LHFPL5: variants seen among roughly 807,000 people sequenced by gnomAD.
The protein encoded by LHFPL5 is LHFPL tetraspan subfamily member 5, also known as LHFPL tetraspan subfamily member 5 protein.
A neutral mutation model predicts 18.7 loss-of-function variants in LHFPL5; 12 were observed. That is an observed-to-expected ratio of 0.64 (90% confidence interval 0.41 to 1.04). LHFPL5 has a LOEUF of 1.04. Among genes scored for constraint, LHFPL5 ranks in the 50% least tolerant of loss-of-function variants. The pLI, the probability that LHFPL5 is intolerant of heterozygous loss-of-function variation, is 0.00. For missense variants in LHFPL5, 259 were observed against 292.1 expected (o/e 0.89, Z 0.83); for synonymous variants, 111 against 120.2 (o/e 0.92, Z 0.50).
At chr6:35,822,833 C>A (rs1282786451) in intron 3 of LHFPL5, 149 bp from the exon 4 acceptor site, 1 of 152,240 alleles carries the variant, frequency 6.6e-6, no homozygotes, top group Non-Finnish European at 1.5e-5. Flanking sequence ...TGGCCTCGAA[C>A]TCCTGACCTC....
chr6:35,813,430 A>AGAC lies in LHFPL5; in HGVS notation c.413-1114_413-1112dup, dbSNP rs372454042. Among the ~76,000 whole-genome samples, 1,484 of 151,510 alleles carry AGAC rather than the reference A, an allele frequency of 9.8e-3. 27 individuals carry two copies. Among genetic ancestry groups the AGAC allele is most frequent in the African/African-American group, 0.034 (1,416 of 41,322 alleles). ...CGGCTAATTTTTGTATTTTTAGGAGAGACGGGGTTTCACCGTGTTAGCCAG... is the reference window on the plus strand; with the variant it reads ...CGGCTAATTTTTGTATTTTTAGGAGAGACGACGGGGTTTCACCGTGTTAGCCAG... On this transcript the variant is annotated intron_variant, in intron 1 of 3. Transcript: ENST00000360215.
chr6:35,805,838 A>G lies in LHFPL5; in HGVS notation c.168A>G (p.Thr56=). 1 of 1,614,066 alleles carries G rather than the reference A, an allele frequency of 6.2e-7. No individual in the cohort carries two copies. The highest frequency in any genetic ancestry group is 1.1e-5 in the South Asian group (1 of 91,072). The change falls in exon 1 of 4, where the codon ACA becomes ACG. Residue 56 remains threonine (T), a synonymous_variant. Transcript: ENST00000360215. The surrounding 1 kb of genome is among the most constrained non-coding windows in gnomAD (Gnocchi z 4.3). The part of the protein sequence containing the change: ...QPYWIGDSVN[T]PQAGYFGLFS... ...ACTGGATCGGCGACAGCGTCAACACACCGCAGGCAGGCTACTTCGGCCTTT... is the reference window on the plus strand; with the variant it reads ...ACTGGATCGGCGACAGCGTCAACACGCCGCAGGCAGGCTACTTCGGCCTTT...
chr6:35,817,258 T>C (rs1290407324), intron 2 of LHFPL5, among the ~76,000 whole-genome samples: 5 of 152,092 alleles, frequency 3.3e-5, no homozygotes, highest in Admixed American at 3.3e-4. Context: ...GAGGCAGAGC[T>C]TGCAGTGAGC....
intron 1 of LHFPL5, among the ~76,000 whole-genome samples, chr6:35,812,389 T>A (rs936323254): frequency 2.0e-5 from 3 of 152,076 alleles, no homozygotes; most frequent in African/African-American, 4.8e-5. Flanking sequence ...GTGGCACAGA[T>A]AAGGGGAGCA....
In LHFPL5 at chr6:35,823,475, A is replaced by ACTCTCTCTCTCTCTCT. The variant is rs774401637; in HGVS notation, c.*511_*512insTCTCTCTCTCTCTCTC. The stretch of plus-strand genomic sequence containing the variant: ...CACACACACACACACACACACACAC[A>ACTCTCTCTCTCTCTCT]CACTCTCTCTCTCTCTCAAACACAC... On this transcript the variant is annotated 3_prime_UTR_variant, in exon 4 of 4. Transcript: ENST00000360215. 1 of 141,578 alleles carries ACTCTCTCTCTCTCTCT rather than the reference A, an allele frequency of 7.1e-6. No individual in the cohort carries two copies. The highest frequency in any genetic ancestry group is 1.5e-5 in the Non-Finnish European group (1 of 65,316). 8.8% of individuals were successfully genotyped at this position (141,578 alleles called of 1,614,324 possible).
At chr6:35,810,842 A>G (rs1239874185) in intron 1 of LHFPL5, among the ~76,000 whole-genome samples, 2 of 151,458 alleles carry the variant, frequency 1.3e-5, no homozygotes, top group African/African-American at 4.9e-5. Context: ...AAAAAAAAAA[A>G]AAGAAAGAAA....
In LHFPL5 at chr6:35,823,444, TATATACACAC is replaced by T. The variant is rs1401932133; in HGVS notation, c.*481_*490del. The T allele has an allele frequency of 3.1e-5, 3 of 95,544 alleles. No homozygotes were observed. The highest frequency in any genetic ancestry group is 6.1e-5 in the Non-Finnish European group (3 of 49,544). The allele number at this position is 95,544 out of a possible 1,614,324, so 5.9% of individuals were successfully genotyped here. On this transcript the variant is annotated 3_prime_UTR_variant, in exon 4 of 4. Transcript: ENST00000360215. ...ACACACATACATACACACACACATA[TATATACACAC>T]ACACACACACACACACACACACACT...
At chr6:35,812,979 C>A (rs764393136) in intron 1 of LHFPL5, among the ~76,000 whole-genome samples, 16 of 152,026 alleles carry the variant, frequency 1.1e-4, no homozygotes, top group Non-Finnish European at 2.2e-4. Context: ...CACTTGAATC[C>A]GGGAGGCGGG....
At chr6:35,812,016 G>A (rs1313104810) in intron 1 of LHFPL5, among the ~76,000 whole-genome samples, 1 of 152,162 alleles carries the variant, frequency 6.6e-6, no homozygotes, top group African/African-American at 2.4e-5. Context: ...CTGGATGGCT[G>A]GTAAGTCACT....
chr6:35,821,481 G>GTGTGTGTGTGTGTGTGTGTGTGTA, intron 3 of LHFPL5, among the ~76,000 whole-genome samples: 1 of 147,084 alleles, frequency 6.8e-6, no homozygotes, highest in Admixed American at 6.8e-5. Flanking sequence ...GTGTGTGTGT[G>GTGTGTGTGTGTGTGTGTGTGTGTA]TGTGTGTGTG....
At chr6:35,809,625 T>C (rs148490282) in intron 1 of LHFPL5, among the ~76,000 whole-genome samples, 1,634 of 152,254 alleles carry the variant, frequency 0.011, 29 homozygotes, top group African/African-American at 0.037. Context: ...CTCCTCAGCC[T>C]CCCGAGTAGC....
chr6:35,809,145 G>T (rs976090487), intron 1 of LHFPL5, among the ~76,000 whole-genome samples: 23 of 152,134 alleles, frequency 1.5e-4, no homozygotes, highest in African/African-American at 5.1e-4. Flanking sequence ...TGGGCTTCTG[G>T]GTGCCAGGTG....
rs1486937824 is a variant in LHFPL5 at position 35,816,876 on chromosome 6, T to C, written c.649+2094T>C. Reference sequence around the variant, plus strand: ...ATGGCCAATTTATTTTCAGCAAGGATGCCAAGACTATTTAATAGGGGAAAG... The same window carrying C: ...ATGGCCAATTTATTTTCAGCAAGGACGCCAAGACTATTTAATAGGGGAAAG... On this transcript the variant is annotated intron_variant, in intron 2 of 3. Transcript: ENST00000360215. Among the ~76,000 whole-genome samples the C allele has an allele frequency of 7.4e-5, 11 of 149,278 alleles. 1 individual carries two copies. The highest frequency in any genetic ancestry group is 1.5e-5 in the Non-Finnish European group (1 of 67,608).
intron 2 of LHFPL5, 52 bp from the exon 3 acceptor site, chr6:35,819,385 T>A (rs1172992060): frequency 1.3e-6 from 2 of 1,581,688 alleles, no homozygotes; most frequent in African/African-American, 2.7e-5. Flanking sequence ...CAGGAAATTA[T>A]CCTAAAAACG....
chr6:35,818,597 A>C (rs1247933800), intron 2 of LHFPL5, among the ~76,000 whole-genome samples: 1 of 151,550 alleles, frequency 6.6e-6, no homozygotes, highest in Non-Finnish European at 1.5e-5. Flanking sequence ...CCTGGTGTGC[A>C]CCTCAGCCTC....
chr6:35,809,114 C>T (rs1247744381), intron 1 of LHFPL5, among the ~76,000 whole-genome samples: 3 of 152,144 alleles, frequency 2.0e-5, no homozygotes, highest in Non-Finnish European at 2.9e-5. Context: ...CGATGTGGGG[C>T]TGCAGCTTAA....
chr6:35,814,418 C>T lies in LHFPL5; in HGVS notation c.413-128C>T. On this transcript the variant is annotated intron_variant, in intron 1 of 3. Coordinates refer to ENST00000360215, the MANE Select transcript of LHFPL5 (RefSeq NM_182548.4). The surrounding 1 kb of genome is among the most constrained non-coding windows in gnomAD (Gnocchi z 4.2). Reference sequence around the variant, plus strand: ...GCAAGAAGGATGGTAGAGGCTGCCTCTCATGCCTCCTGAGGCTGTTAACAG... The same window carrying T: ...GCAAGAAGGATGGTAGAGGCTGCCTTTCATGCCTCCTGAGGCTGTTAACAG... 1.2e-6 allele frequency: 1 copy of T among 825,280 alleles called. No homozygotes were observed. Among genetic ancestry groups the T allele is most frequent in the South Asian group, 1.3e-5 (1 of 74,338 alleles). 51.1% of individuals were successfully genotyped at this position (825,280 alleles called of 1,614,324 possible).
At chr6:35,816,110 G>A (rs1768754622) in intron 2 of LHFPL5, among the ~76,000 whole-genome samples, 1 of 151,284 alleles carries the variant, frequency 6.6e-6, no homozygotes, top group Non-Finnish European at 1.5e-5. Flanking sequence ...AGCGGAGCTT[G>A]CAGTGAGCCG....
chr6:35,813,417 G>T (rs1396564590), intron 1 of LHFPL5, among the ~76,000 whole-genome samples: 1 of 151,304 alleles, frequency 6.6e-6, no homozygotes, highest in Non-Finnish European at 1.5e-5. Flanking sequence ...GCTAATTTTT[G>T]TATTTTTAGG....
Sources: gnomAD v4.1 joint callset for allele counts (sites outside exome capture counted in the v4.1 genomes callset) on GRCh38, gnomAD v4.1.1 for gene constraint, Gnocchi (gnomAD v3.1) non-coding constraint, MANE v1.5 for transcripts, NCBI Gene and HGNC (gene_info 2026-07-23, HGNC 2026-07-21) for gene names.